ZNF695: variants seen among roughly 807,000 people sequenced by gnomAD.
ZNF695 encodes zinc finger protein SBZF3.
A neutral mutation model predicts 11.2 loss-of-function variants in ZNF695; 11 were observed. The observed-to-expected ratio is 0.98, with a 90% CI of 0.62 to 1.62. The LOEUF (loss-of-function observed/expected upper bound fraction) is 1.62. Among genes scored for constraint, ZNF695 ranks in the 40% most tolerant of loss-of-function variants. The probability of loss-of-function intolerance (pLI) is 0.00; values close to 1 mark genes in which losing one functional copy is unlikely to be tolerated. For missense variants in ZNF695, 559 were observed against 590.5 expected (o/e 0.95, Z 0.55); for synonymous variants, 190 against 201.4 (o/e 0.94, Z 0.48).
chr1:247,003,627 G>A (rs1159635800), intron 1 of ZNF695, among the ~76,000 whole-genome samples: 2 of 152,082 alleles, frequency 1.3e-5, no homozygotes, highest in East Asian at 1.9e-4. Context: ...TAAATAAATT[G>A]TAAATAAATT....
At chr1:246,993,379 C>G (rs992334346) in intron 3 of ZNF695, among the ~76,000 whole-genome samples, 6 of 151,976 alleles carry the variant, frequency 3.9e-5, no homozygotes, top group Non-Finnish European at 8.8e-5. Context: ...TGAACTCCAG[C>G]CTGGGAGACA....
At chr1:246,978,191 C>T (rs936934483) in intron 4 of ZNF695, among the ~76,000 whole-genome samples, 2 of 152,182 alleles carry the variant, frequency 1.3e-5, no homozygotes, top group Admixed American at 6.5e-5. Context: ...ACATTGTGCA[C>T]TGGAACAGGG....
intron 5 of ZNF695, among the ~76,000 whole-genome samples, chr1:246,949,612 A>G (rs1667823506): frequency 6.6e-6 from 1 of 151,812 alleles, no homozygotes; most frequent in Admixed American, 6.6e-5. Flanking sequence ...AAAAAAAAAA[A>G]AGAGCTCTAT....
Position 246,987,904 on chromosome 1 carries a change from C to A in ZNF695, c.611G>T (p.Arg204Ile), listed in dbSNP as rs1415745447. 3 of 1,609,096 alleles carry A rather than the reference C, an allele frequency of 1.9e-6. No homozygotes were observed. Among genetic ancestry groups the A allele is most frequent in the African/African-American group, 1.3e-5 (1 of 74,636 alleles). The change falls in exon 4 of 4, where the codon AGA (arginine) becomes ATA (isoleucine). Residue 204 changes from arginine (R) to isoleucine (I), a missense_variant. By Grantham distance (97) the Arg-to-Ile change is moderately conservative. Coordinates refer to ENST00000339986, the MANE Select transcript of ZNF695 (RefSeq NM_020394.5). ...CMSLIMTQQQ[R>I]IHIGENPYQC... The stretch of plus-strand genomic sequence containing the variant: ...GTACGGGTTCTCTCCAATATGGATT[C>A]TCTGCTGTTGAGTCATTATTAAAGA...
At chr1:246,954,279 G>A (rs1667937102) in intron 5 of ZNF695, among the ~76,000 whole-genome samples, 1 of 152,114 alleles carries the variant, frequency 6.6e-6, no homozygotes, top group Admixed American at 6.6e-5. Context: ...CCCAAATATT[G>A]GCACACACTC....
intron 1 of ZNF695, among the ~76,000 whole-genome samples, 171 bp downstream of exon 1, chr1:247,007,735 C>T (rs1481149011): frequency 6.6e-6 from 1 of 152,070 alleles, no homozygotes; most frequent in African/African-American, 2.4e-5. Context: ...CGGCCCGGCC[C>T]CCACCTGCGC....
intron 3 of ZNF695, among the ~76,000 whole-genome samples, chr1:246,995,281 A>T (rs1186293063): frequency 6.6e-6 from 1 of 152,234 alleles, no homozygotes; most frequent in African/African-American, 2.4e-5. Context: ...AAACTGAAAC[A>T]TTCACAAATA....
chr1:246,946,496 A>C (rs1667738540), intron 5 of ZNF695, among the ~76,000 whole-genome samples: 2 of 152,124 alleles, frequency 1.3e-5, no homozygotes, highest in African/African-American at 4.8e-5. Context: ...CAACAATTGC[A>C]CTCATTTGTG....
chr1:246,963,317 G>A (rs994947850), intron 5 of ZNF695, among the ~76,000 whole-genome samples: 8 of 152,142 alleles, frequency 5.3e-5, no homozygotes, highest in African/African-American at 1.2e-4. Flanking sequence ...CATGTGCAGC[G>A]GCTCATGCCT....
At chr1:246,996,177 C>T (rs1669204314) in intron 3 of ZNF695, 1 of 346,138 alleles carries the variant, frequency 2.9e-6, no homozygotes, top group Admixed American at 4.3e-5. Flanking sequence ...GAAACCTCGT[C>T]TCTACTAAAA....
At chr1:246,952,586 G>A (rs1667894106) in intron 5 of ZNF695, among the ~76,000 whole-genome samples, 1 of 145,294 alleles carries the variant, frequency 6.9e-6, no homozygotes, top group East Asian at 2.0e-4. Flanking sequence ...TCACTCTGTT[G>A]CCCAGGCTGG....
intron 1 of ZNF695, among the ~76,000 whole-genome samples, chr1:247,005,550 T>C (rs917070998): frequency 6.6e-6 from 1 of 151,756 alleles, no homozygotes; most frequent in African/African-American, 2.4e-5. Flanking sequence ...CCTGTCTCTA[T>C]TAAAATACAA....
intron 5 of ZNF695, among the ~76,000 whole-genome samples, chr1:246,964,469 C>G (rs887931662): frequency 6.6e-6 from 1 of 152,222 alleles, no homozygotes; most frequent in African/African-American, 2.4e-5. Flanking sequence ...ATTCTCCTAA[C>G]GCCCCTATTA....
chr1:246,982,330 T>C (rs1406397582), downstream of ZNF695, among the ~76,000 whole-genome samples: 2 of 152,002 alleles, frequency 1.3e-5, no homozygotes, highest in African/African-American at 4.8e-5. Flanking sequence ...ATTCTATTAT[T>C]GTTCAACACA....
At chr1:246,990,448 C>G (rs929694556) in intron 3 of ZNF695, among the ~76,000 whole-genome samples, 1 of 152,074 alleles carries the variant, frequency 6.6e-6, no homozygotes, top group African/African-American at 2.4e-5. Context: ...TTATCCAACA[C>G]CAGAGTACCC....
At position 246,987,573 on chromosome 1, in the gene ZNF695, G is replaced by A; in HGVS notation, c.942C>T (p.His314=). 1 of 1,596,216 alleles carries A rather than the reference G, an allele frequency of 6.3e-7. No individual in the cohort carries two copies. Residue 314 remains histidine (H), a synonymous_variant, in exon 4 of 4, where the codon CAC becomes CAT. Coordinates refer to ENST00000339986, the MANE Select transcript of ZNF695 (RefSeq NM_020394.5). ...GTTTCTCTCTACTATGAATTCTCTT[G>A]TGTTGAGTAAGGTATGGGAACAACT... The part of the protein sequence containing the change: ...SFKLFPYLTQ[H]KRIHSREKPY...
rs771009002 is a variant in ZNF695 at position 246,987,463 on chromosome 1, GTT to G, written c.1050_1051del (p.Lys350AsnfsTer5). 6.2e-7 allele frequency: 1 copy of G among 1,611,344 alleles called. No homozygotes were observed. The highest frequency in any genetic ancestry group is 8.5e-7 in the Non-Finnish European group (1 of 1,178,540). On this transcript the variant is annotated frameshift_variant, in exon 4 of 4. Transcript: ENST00000339986. LOFTEE classifies it low-confidence loss of function (END_TRUNC). ...TTTTCCACATTCTTCACATCGGAAG[GTT>G]TTCTCTCCAGTATGAATTCTTCTAT...
intron 5 of ZNF695, among the ~76,000 whole-genome samples, chr1:246,962,219 G>A (rs1668179972): frequency 6.6e-6 from 1 of 152,232 alleles, no homozygotes; most frequent in Admixed American, 6.5e-5. Context: ...CCTGTCACCA[G>A]CTGGGCTTGC....
chr1:246,968,822 T>A (rs1668352939), intron 4 of ZNF695: 1 of 152,550 alleles, frequency 6.6e-6, no homozygotes, highest in South Asian at 2.1e-4. Flanking sequence ...CTGAAACATA[T>A]CTGGAGTCCT....
Sources: allele counts gnomAD v4.1 joint callset (sites outside exome capture counted in the v4.1 genomes callset), GRCh38; gene constraint gnomAD v4.1.1; transcripts MANE v1.5; gene names NCBI Gene and HGNC (gene_info 2026-07-23, HGNC 2026-07-21).